PPP2R2B: variants seen among roughly 807,000 people sequenced by gnomAD.
PPP2R2B encodes the protein serine/threonine-protein phosphatase 2A 55 kDa regulatory subunit B beta isoform.
A neutral mutation model predicts 46.0 loss-of-function variants in PPP2R2B; 5 were observed. That is an observed-to-expected ratio of 0.11 (90% CI 0.06 to 0.23). PPP2R2B has a LOEUF of 0.23. Among genes scored for constraint, PPP2R2B ranks in the 10% least tolerant of loss-of-function variants. The pLI is 1.00. For missense variants in PPP2R2B, 367 were observed against 575.0 expected (o/e 0.64, Z 3.70); for synonymous variants, 215 against 206.7 (o/e 1.04, Z -0.34).
At position 146,597,727 on chromosome 5, in the gene PPP2R2B, T is replaced by C. The variant is rs545884981; in HGVS notation, c.960+2564A>G. Among the ~76,000 whole-genome samples, 127 of 152,360 alleles carry C rather than the reference T, an allele frequency of 8.3e-4. 3 individuals carry two copies. The highest frequency in any genetic ancestry group is 8.2e-3 in the Admixed American group (126 of 15,298). On this transcript the variant is annotated intron_variant, in intron 8 of 9. Coordinates refer to ENST00000394411, the MANE Select transcript of PPP2R2B (RefSeq NM_181675.4). ...CAACATTTCTCTTAGATGAGTACTTTACCACTTTTCTTCCTTCCCATTCAG... is the reference window on the plus strand; with the variant it reads ...CAACATTTCTCTTAGATGAGTACTTCACCACTTTTCTTCCTTCCCATTCAG...
chr5:147,029,355 A>G (rs1470614659), intron 1 of PPP2R2B, among the ~76,000 whole-genome samples: 1 of 152,198 alleles, frequency 6.6e-6, no homozygotes, highest in Non-Finnish European at 1.5e-5. Context: ...TTCTCCCCAA[A>G]TAATTTCAAA....
chr5:146,790,474 C>G (rs1401729145), intron 2 of PPP2R2B, among the ~76,000 whole-genome samples: 1 of 152,180 alleles, frequency 6.6e-6, no homozygotes, highest in Admixed American at 6.5e-5. Flanking sequence ...CGGGTGAGGG[C>G]AGCTCTTTCT....
chr5:146,942,956 CCTGA>C (rs932360112), intron 1 of PPP2R2B, among the ~76,000 whole-genome samples: 66 of 152,216 alleles, frequency 4.3e-4, no homozygotes, highest in African/African-American at 1.6e-3. Context: ...CGCCACCACG[CCTGA>C]CTAATTTTTT....
chr5:147,059,266 A>G (rs17464441), upstream of PPP2R2B, among the ~76,000 whole-genome samples: 9,565 of 152,294 alleles, frequency 0.063, 430 homozygotes, highest in Non-Finnish European at 0.093. Context: ...TGGGATTATA[A>G]AGCCCCAAAA....
intron 1 of PPP2R2B, among the ~76,000 whole-genome samples, chr5:146,983,175 C>CTTTTTT (rs1561555406): frequency 2.9e-5 from 2 of 69,526 alleles, no homozygotes; most frequent in Non-Finnish European, 6.7e-5. Flanking sequence ...TTTTCCAGAG[C>CTTTTTT]ATTTTTTTTT....
chr5:146,945,721 A>T (rs918847811), intron 1 of PPP2R2B, among the ~76,000 whole-genome samples: 1 of 152,230 alleles, frequency 6.6e-6, no homozygotes, highest in Non-Finnish European at 1.5e-5. Flanking sequence ...GTCATCAGGG[A>T]TAACATAGTT....
At position 146,972,408 on chromosome 5, in the gene PPP2R2B, C is replaced by T. The variant is rs563469011; in HGVS notation, c.79+83257G>A. The stretch of plus-strand genomic sequence containing the variant: ...CTGGATATGAATCACTAAGTCAAGC[C>T]CAAACTCAAGAGGGAGATGTTGGCT... On this transcript the variant is annotated intron_variant, in intron 1 of 8. Transcript: ENST00000336640. 2.0e-3 allele frequency among the ~76,000 whole-genome samples: 305 copies of T among 152,096 alleles called. 2 individuals carry two copies. The highest frequency in any genetic ancestry group is 6.7e-3 in the African/African-American group (279 of 41,502).
chr5:146,937,790 A>T (rs572894793), intron 1 of PPP2R2B, among the ~76,000 whole-genome samples: 59 of 152,272 alleles, frequency 3.9e-4, no homozygotes, highest in Non-Finnish European at 6.6e-4. Flanking sequence ...ATGATCTGAA[A>T]TTTATGTCTG....
chr5:146,840,888 A>T (rs190421815), intron 2 of PPP2R2B, among the ~76,000 whole-genome samples: 157 of 152,304 alleles, frequency 1.0e-3, no homozygotes, highest in African/African-American at 3.5e-3. Flanking sequence ...CCTTAATCTG[A>T]TAGAGCTTAC....
chr5:146,600,309 G>C lies in PPP2R2B; in HGVS notation c.942C>G (p.Arg314=). ...VKVWDLNMEN[R]PIETYQVHDY... is the part of the protein sequence containing the mutation. ...TCTATACCTGGTAAGTCTCGATGGGGCGGTTTTCCATGTTGAGATCCCAGA... is the reference window on the plus strand; with the variant it reads ...TCTATACCTGGTAAGTCTCGATGGGCCGGTTTTCCATGTTGAGATCCCAGA... The change falls in exon 8 of 10, where the codon CGC becomes CGG. Residue 314 remains arginine (R), a synonymous_variant. Coordinates refer to ENST00000394411, the MANE Select transcript of PPP2R2B (RefSeq NM_181675.4). The C allele has an allele frequency of 6.2e-7, 1 of 1,613,828 alleles. No individual in the cohort carries two copies. The highest frequency in any genetic ancestry group is 8.5e-7 in the Non-Finnish European group (1 of 1,179,848).
intron 1 of PPP2R2B, among the ~76,000 whole-genome samples, chr5:146,980,303 A>C (rs1482827497): frequency 1.3e-5 from 2 of 152,218 alleles, no homozygotes; most frequent in Non-Finnish European, 2.9e-5. Flanking sequence ...AAGCAGCCAG[A>C]AGTTTTCTGA....
chr5:147,021,973 T>C (rs556962197), intron 1 of PPP2R2B, among the ~76,000 whole-genome samples: 3 of 151,756 alleles, frequency 2.0e-5, no homozygotes, highest in Admixed American at 6.6e-5. Context: ...AGAAATGAAA[T>C]CTATGAAAAA....
chr5:146,678,055 G>A (rs543001486), intron 5 of PPP2R2B, among the ~76,000 whole-genome samples: 1 of 152,260 alleles, frequency 6.6e-6, no homozygotes, highest in East Asian at 1.9e-4. Context: ...GTAGGATAAA[G>A]CCCCCATGGC....
intron 1 of PPP2R2B, among the ~76,000 whole-genome samples, chr5:147,002,078 T>C (rs1440946947): frequency 6.6e-6 from 1 of 152,152 alleles, no homozygotes; most frequent in African/African-American, 2.4e-5. Flanking sequence ...AAACTTCCTC[T>C]TGCCTCTCTT....
At chr5:146,850,389 G>A (rs564597432) in intron 2 of PPP2R2B, among the ~76,000 whole-genome samples, 1 of 152,164 alleles carries the variant, frequency 6.6e-6, no homozygotes, top group East Asian at 1.9e-4. Flanking sequence ...GCATTTAAAT[G>A]GCTTCCTGTT....
intron 1 of PPP2R2B, among the ~76,000 whole-genome samples, chr5:146,927,931 G>A (rs989643325): frequency 5.3e-5 from 8 of 151,808 alleles, no homozygotes; most frequent in Non-Finnish European, 1.2e-4. Context: ...TAGTAGAGAC[G>A]GGGTTTCACC....
At chr5:146,924,899 AC>A (rs1763730314) in intron 1 of PPP2R2B, among the ~76,000 whole-genome samples, 2 of 152,284 alleles carry the variant, frequency 1.3e-5, no homozygotes, top group East Asian at 1.9e-4. Flanking sequence ...ATAGTATTCC[AC>A]GGTGTATATG....
intron 1 of PPP2R2B, among the ~76,000 whole-genome samples, chr5:146,929,990 G>A (rs779163813): frequency 8.5e-5 from 13 of 152,136 alleles, no homozygotes; most frequent in Admixed American, 2.6e-4. Flanking sequence ...CTTGATTCTG[G>A]GGATACAGAT....
chr5:146,703,015 T>G (rs1217501604), intron 2 of PPP2R2B, among the ~76,000 whole-genome samples: 1 of 152,228 alleles, frequency 6.6e-6, no homozygotes, highest in Admixed American at 6.5e-5. Context: ...ACCACTTTCC[T>G]TTGTTACAGT....
Sources: allele counts gnomAD v4.1 joint callset (sites outside exome capture counted in the v4.1 genomes callset), GRCh38; gene constraint gnomAD v4.1.1; transcripts MANE v1.5; gene names NCBI Gene and HGNC (gene_info 2026-07-23, HGNC 2026-07-21).